Variants in FARS2 observed in about 807,000 individuals in gnomAD.
The protein encoded by FARS2 is phenylalanyl-tRNA synthetase 2, mitochondrial.
In FARS2, 40 loss-of-function variants were observed where a neutral mutation model predicts 46.4. The observed-to-expected ratio is 0.86, with a 90% confidence interval of 0.67 to 1.12. The LOEUF (loss-of-function observed/expected upper bound fraction) is 1.12. Among genes scored for constraint, FARS2 ranks in the 50% most tolerant of loss-of-function variants. The pLI is 0.00. For synonymous variants in FARS2, 234 were observed against 214.9 expected (o/e 1.09, Z -0.78); for missense variants, 513 against 567.9 (o/e 0.90, Z 0.98).
At chr6:5,609,292 A>G (rs192760889) in intron 5 of FARS2, 69 of 1,086,666 alleles carry the variant, frequency 6.3e-5, no homozygotes, top group South Asian at 2.7e-4. Flanking sequence ...CCTTGGTTTC[A>G]TGGTTTGGCA....
At chr6:5,593,738 A>AT (rs1350058524) in intron 5 of FARS2, among the ~76,000 whole-genome samples, 2 of 152,134 alleles carry the variant, frequency 1.3e-5, no homozygotes, top group Non-Finnish European at 2.9e-5. Flanking sequence ...GTTTCATTCG[A>AT]TTTTATTCAG....
At chr6:5,715,560 A>G (rs1259396647) in intron 6 of FARS2, among the ~76,000 whole-genome samples, 1 of 152,140 alleles carries the variant, frequency 6.6e-6, no homozygotes, top group African/African-American at 2.4e-5. Flanking sequence ...ATTTGTATAT[A>G]AGGAATCATA....
intron 1 of FARS2, among the ~76,000 whole-genome samples, chr6:5,358,381 C>T (rs1015045879): frequency 5.9e-5 from 9 of 151,628 alleles, no homozygotes; most frequent in Non-Finnish European, 8.8e-5. Context: ...CCAACATTCC[C>T]CAAATATGGA....
chr6:5,611,806 CCTT>C (rs762807469), intron 5 of FARS2, among the ~76,000 whole-genome samples: 2 of 152,164 alleles, frequency 1.3e-5, no homozygotes, highest in Non-Finnish European at 2.9e-5. Context: ...CATTGGGACA[CCTT>C]CTGCCATTTC....
At chr6:5,467,498 A>C (rs1201161310) in intron 4 of FARS2, among the ~76,000 whole-genome samples, 1 of 147,714 alleles carries the variant, frequency 6.8e-6, no homozygotes, top group Non-Finnish European at 1.5e-5. Context: ...TTAATAAAAT[A>C]TTCTTCAGTG....
intron 5 of FARS2, among the ~76,000 whole-genome samples, chr6:5,566,197 T>C (rs1284639882): frequency 6.6e-6 from 1 of 152,218 alleles, no homozygotes; most frequent in African/African-American, 2.4e-5. Flanking sequence ...TATTTTGTAA[T>C]CAGCTCATGC....
At chr6:5,356,881 T>C (rs116406841) in intron 1 of FARS2, among the ~76,000 whole-genome samples, 2 of 152,304 alleles carry the variant, frequency 1.3e-5, no homozygotes, top group African/African-American at 2.4e-5. Context: ...CTAAATGATT[T>C]TGTGTATTGC....
chr6:5,568,435 A>G (rs1772446103), intron 5 of FARS2, among the ~76,000 whole-genome samples: 1 of 152,188 alleles, frequency 6.6e-6, no homozygotes, highest in African/African-American at 2.4e-5. Flanking sequence ...CTGGGGACAC[A>G]GGAAGTATAG....
chr6:5,398,306 A>G (rs566601019), intron 2 of FARS2, among the ~76,000 whole-genome samples: 1 of 152,294 alleles, frequency 6.6e-6, no homozygotes, highest in East Asian at 1.9e-4. Flanking sequence ...GAAGACCTTT[A>G]CCTTCTCTCC....
At chr6:5,263,613 A>G (rs186763781) in intron 1 of FARS2, among the ~76,000 whole-genome samples, 1 of 152,314 alleles carries the variant, frequency 6.6e-6, no homozygotes, top group East Asian at 1.9e-4. Flanking sequence ...TAGTCATTCT[A>G]TTCTGGGTTG....
chr6:5,324,321 AT>A lies in FARS2; in HGVS notation c.-21-44222del, dbSNP rs370114498. 2.5e-4 allele frequency among the ~76,000 whole-genome samples: 38 copies of A among 150,454 alleles called. 1 individual carries two copies. The highest frequency in any genetic ancestry group is 9.0e-4 in the African/African-American group (37 of 40,888). On this transcript the variant is annotated intron_variant, in intron 1 of 6. Coordinates refer to ENST00000274680, the MANE Select transcript of FARS2 (RefSeq NM_006567.5). ...AACTGGTTGGGAATTTACTTCTGGG[AT>A]TTTTTTGTTTGTTTTGCTGTATCAA...
At chr6:5,631,574 T>A (rs1386683103) in intron 6 of FARS2, among the ~76,000 whole-genome samples, 1 of 152,254 alleles carries the variant, frequency 6.6e-6, no homozygotes, top group African/African-American at 2.4e-5. Flanking sequence ...GGTGTGCTCC[T>A]GCATCCTGTC....
intron 1 of FARS2, among the ~76,000 whole-genome samples, chr6:5,333,087 G>A (rs565379235): frequency 1.3e-5 from 2 of 152,204 alleles, no homozygotes; most frequent in Admixed American, 6.5e-5. Flanking sequence ...TTTCTGAATC[G>A]CCTTGACATT....
chr6:5,519,862 G>C (rs1769024523), intron 4 of FARS2, among the ~76,000 whole-genome samples: 1 of 152,242 alleles, frequency 6.6e-6, no homozygotes, highest in Non-Finnish European at 1.5e-5. Context: ...TATTGAGAAA[G>C]TGGTTGATGA....
At chr6:5,444,381 C>A (rs996263706) in intron 4 of FARS2, among the ~76,000 whole-genome samples, 2 of 144,410 alleles carry the variant, frequency 1.4e-5, no homozygotes, top group Non-Finnish European at 3.0e-5. Context: ...GCAGGAGAAT[C>A]GCTTGAATCC....
chr6:5,339,931 TAA>T (rs1220871671), intron 1 of FARS2, among the ~76,000 whole-genome samples: 6 of 152,194 alleles, frequency 3.9e-5, no homozygotes, highest in Non-Finnish European at 7.3e-5. Flanking sequence ...ACAGAGAGCT[TAA>T]GTTTCGTTTA....
intron 5 of FARS2, among the ~76,000 whole-genome samples, chr6:5,553,952 G>C (rs1228637097): frequency 6.6e-6 from 1 of 152,132 alleles, no homozygotes; most frequent in Non-Finnish European, 1.5e-5. Flanking sequence ...GGTCTGACTA[G>C]GTGGTGAAAC....
chr6:5,377,443 G>A (rs895043061), intron 2 of FARS2, among the ~76,000 whole-genome samples: 4 of 152,150 alleles, frequency 2.6e-5, no homozygotes, highest in Non-Finnish European at 5.9e-5. Flanking sequence ...TTTTTCTGTC[G>A]TGTACACACA....
intron 1 of FARS2, among the ~76,000 whole-genome samples, chr6:5,344,053 C>T (rs1321712517): frequency 2.0e-5 from 3 of 152,100 alleles, no homozygotes; most frequent in South Asian, 2.1e-4. Flanking sequence ...ATGTGTTCAC[C>T]GCAATGGATG....
Sources: allele counts gnomAD v4.1 joint callset (sites outside exome capture counted in the v4.1 genomes callset), GRCh38; gene constraint gnomAD v4.1.1; transcripts MANE v1.5; gene names NCBI Gene and HGNC (gene_info 2026-07-23, HGNC 2026-07-21).